ATF7IP: variants seen among roughly 807,000 people sequenced by gnomAD.
ATF7IP encodes the protein activating transcription factor 7 interacting protein.
A neutral mutation model predicts 106.4 loss-of-function variants in ATF7IP; 23 were observed. That is an observed-to-expected ratio of 0.22 (90% confidence interval 0.16 to 0.31). ATF7IP has a LOEUF of 0.31. Ranked by LOEUF, ATF7IP falls within the 10% of genes least tolerant of loss-of-function variation. The probability of loss-of-function intolerance (pLI) is 1.00; values close to 1 mark genes in which losing one functional copy is unlikely to be tolerated. For missense variants in ATF7IP, 1,334 were observed against 1,524.3 expected (o/e 0.88, Z 2.08); for synonymous variants, 542 against 539.0 (o/e 1.01, Z -0.08).
intron 1 of ATF7IP, among the ~76,000 whole-genome samples, chr12:14,366,833 TAA>T (rs150770023): frequency 6.6e-6 from 1 of 152,006 alleles, no homozygotes; most frequent in Non-Finnish European, 1.5e-5. Context: ...GGACCATTAA[TAA>T]AAAAAATCTG....
intron 1 of ATF7IP, among the ~76,000 whole-genome samples, chr12:14,376,442 G>A (rs1185006244): frequency 1.3e-5 from 2 of 152,156 alleles, no homozygotes; most frequent in Non-Finnish European, 2.9e-5. Flanking sequence ...GGTCTAATGA[G>A]GTGTTGATTT....
chr12:14,487,102 C>T (rs1241315220), intron 13 of ATF7IP, among the ~76,000 whole-genome samples: 1 of 147,370 alleles, frequency 6.8e-6, no homozygotes, highest in Non-Finnish European at 1.5e-5. Context: ...TTTCAACTAA[C>T]CAAGCAAATA....
At chr12:14,437,026 G>T (rs1942436610) in intron 4 of ATF7IP, among the ~76,000 whole-genome samples, 1 of 151,998 alleles carries the variant, frequency 6.6e-6, no homozygotes, top group African/African-American at 2.4e-5. Context: ...TGTACTTGAG[G>T]GTTAGTATAA....
At chr12:14,407,532 T>C (rs1193090421) in intron 1 of ATF7IP, among the ~76,000 whole-genome samples, 1 of 152,148 alleles carries the variant, frequency 6.6e-6, no homozygotes, top group Non-Finnish European at 1.5e-5. Context: ...ATTTGTACTA[T>C]ACAAAGAGAC....
At chr12:14,421,224 A>G (rs1941489783) in intron 1 of ATF7IP, among the ~76,000 whole-genome samples, 1 of 152,216 alleles carries the variant, frequency 6.6e-6, no homozygotes, top group South Asian at 2.1e-4. Flanking sequence ...AGTTGTAATT[A>G]TGCATCAGTC....
intron 10 of ATF7IP, among the ~76,000 whole-genome samples, chr12:14,470,932 A>G (rs1944019811): frequency 6.6e-6 from 1 of 152,128 alleles, no homozygotes; most frequent in Admixed American, 6.5e-5. Context: ...CTATATAAGC[A>G]TTTAATGATA....
At chr12:14,419,417 A>G (rs1172517836) in intron 1 of ATF7IP, 1 of 152,310 alleles carries the variant, frequency 6.6e-6, no homozygotes, top group East Asian at 1.9e-4. Flanking sequence ...TTTAAAAGGA[A>G]TACTTTTAAT....
intron 1 of ATF7IP, among the ~76,000 whole-genome samples, chr12:14,401,056 T>C (rs950968456): frequency 1.3e-5 from 2 of 152,208 alleles, no homozygotes; most frequent in African/African-American, 4.8e-5. Context: ...TCCTAACTTG[T>C]GGTTACTTGT....
intron 5 of ATF7IP, among the ~76,000 whole-genome samples, chr12:14,444,086 A>G (rs1942841535): frequency 6.6e-6 from 1 of 152,230 alleles, no homozygotes; most frequent in Non-Finnish European, 1.5e-5. Flanking sequence ...CAAATTCATA[A>G]TACTCGGAAT....
intron 9 of ATF7IP, among the ~76,000 whole-genome samples, chr12:14,464,136 AC>A (rs1240336346): frequency 1.3e-5 from 2 of 152,034 alleles, no homozygotes; most frequent in Non-Finnish European, 2.9e-5. Context: ...ATATAGTGAG[AC>A]CCCCATCTGT....
intron 1 of ATF7IP, chr12:14,385,404 A>G: frequency 6.5e-7 from 1 of 1,532,944 alleles, no homozygotes; most frequent in Non-Finnish European, 8.7e-7. Context: ...ACCAGAGGTA[A>G]GAACCAATTA....
At chr12:14,459,144 T>G (rs1943546662) in intron 8 of ATF7IP, among the ~76,000 whole-genome samples, 1 of 152,194 alleles carries the variant, frequency 6.6e-6, no homozygotes, top group African/African-American at 2.4e-5. Flanking sequence ...AGTGACTGGC[T>G]TACCTAGTTT....
intron 4 of ATF7IP, among the ~76,000 whole-genome samples, chr12:14,436,969 T>G (rs1591856396): frequency 6.6e-6 from 1 of 152,182 alleles, no homozygotes; most frequent in East Asian, 1.9e-4. Flanking sequence ...TTAATCTTTA[T>G]AAAGCTGGTT....
intron 1 of ATF7IP, among the ~76,000 whole-genome samples, chr12:14,384,027 T>G (rs897893627): frequency 1.3e-5 from 2 of 152,128 alleles, no homozygotes; most frequent in Non-Finnish European, 2.9e-5. Context: ...CTTTTAAAGA[T>G]AAGTAATTTA....
At chr12:14,436,294 G>A (rs771446704) in intron 4 of ATF7IP, 43 bp downstream of exon 4, 2 of 1,525,270 alleles carry the variant, frequency 1.3e-6, no homozygotes, top group South Asian at 1.2e-5. Context: ...TGAATAAATA[G>A]CACCACTATC....
intron 2 of ATF7IP, among the ~76,000 whole-genome samples, chr12:14,431,445 A>G (rs182919672): frequency 0.015 from 2,331 of 150,556 alleles, 24 homozygotes; most frequent in Non-Finnish European, 0.019. Context: ...CCCAGGCTGG[A>G]GTGCAGTGGT....
chr12:14,502,759 G>A lies in ATF7IP; in HGVS notation c.*4686G>A, dbSNP rs1591990412. On this transcript the variant is annotated 3_prime_UTR_variant, in exon 15 of 15. Transcript: ENST00000261168. The stretch of plus-strand genomic sequence containing the variant: ...TAATACAAACTGGGCTCCAGCAAGT[G>A]GCCCTATTTTTATTAGGGTTTTGAA... The A allele has an allele frequency of 6.6e-6, 1 of 152,238 alleles. No homozygotes were observed. Among genetic ancestry groups the A allele is most frequent in the East Asian group, 1.9e-4 (1 of 5,168 alleles). The allele number at this position is 152,238 out of a possible 1,614,324, so 9.4% of individuals were successfully genotyped here.
Position 14,497,657 on chromosome 12 carries a change from C to T in ATF7IP, c.3397C>T (p.Pro1133Ser), listed in dbSNP as rs768806749. The T allele has an allele frequency of 5.0e-6, 8 of 1,609,204 alleles. No individual in the cohort carries two copies. The highest frequency in any genetic ancestry group is 6.8e-6 in the Non-Finnish European group (8 of 1,177,184). ...HHRPPQVHTE[P>S]PRPVHPAPLP... Reference sequence around the variant, plus strand: ...TCAGTGTGACCTGTTTCTTCAGGAGCCCCCACGCCCCGTGCACCCAGCACC... The same window carrying T: ...TCAGTGTGACCTGTTTCTTCAGGAGTCCCCACGCCCCGTGCACCCAGCACC... The change falls in exon 15 of 15, where the codon CCC becomes TCC. Residue 1133 changes from proline (P) to serine (S), a missense_variant. Transcript: ENST00000261168.
intron 1 of ATF7IP, among the ~76,000 whole-genome samples, chr12:14,395,916 AAC>A (rs1173902541): frequency 4.6e-5 from 7 of 152,100 alleles, no homozygotes; most frequent in African/African-American, 1.7e-4. Context: ...GGGTTAAAGG[AAC>A]ACAGTCATTT....
Sources: gnomAD v4.1 joint callset for allele counts (sites outside exome capture counted in the v4.1 genomes callset) on GRCh38, gnomAD v4.1.1 for gene constraint, MANE v1.5 for transcripts, NCBI Gene and HGNC (gene_info 2026-07-23, HGNC 2026-07-21) for gene names.